Variants in RGS9 observed in about 807,000 individuals in gnomAD.
The protein encoded by RGS9 is regulator of G-protein signalling 9.
In RGS9, 78 loss-of-function variants were observed where a neutral mutation model predicts 102.0. That is an observed-to-expected ratio of 0.76 (90% CI 0.64 to 0.92). The LOEUF is 0.92. Among genes scored for constraint, RGS9 ranks in the 40% least tolerant of loss-of-function variants. The probability of loss-of-function intolerance (pLI) is 0.00; values close to 1 mark genes in which losing one functional copy is unlikely to be tolerated. For synonymous variants in RGS9, 353 were observed against 318.6 expected, an observed-to-expected ratio of 1.11 and a Z score of -1.15; for missense variants, 833 against 866.1, an observed-to-expected ratio of 0.96 and a Z score of 0.48.
intron 16 of RGS9, among the ~76,000 whole-genome samples, chr17:65,208,563 G>A (rs1913160577): frequency 6.6e-6 from 1 of 152,084 alleles, no homozygotes. Context: ...AGAGCCATTG[G>A]GACAATGGAC....
At chr17:65,217,607 T>G (rs1448528157) in intron 17 of RGS9, among the ~76,000 whole-genome samples, 1 of 151,378 alleles carries the variant, frequency 6.6e-6, no homozygotes, top group East Asian at 1.9e-4. Context: ...TCAAGTAGTT[T>G]GGGAGGAAGG....
intron 15 of RGS9, among the ~76,000 whole-genome samples, chr17:65,205,946 T>C (rs1024545229): frequency 3.3e-5 from 5 of 152,118 alleles, no homozygotes; most frequent in Admixed American, 2.6e-4. Context: ...GTGATATAGG[T>C]TATATGATAT....
At chr17:65,202,155 A>G (rs1377336327) in intron 14 of RGS9, 75 bp downstream of exon 14, 3 of 1,007,784 alleles carry the variant, frequency 3.0e-6, no homozygotes, top group Non-Finnish European at 4.7e-6. Context: ...TGAGGTGAAG[A>G]TAGGATGAGA....
intron 1 of RGS9, among the ~76,000 whole-genome samples, chr17:65,149,066 A>G (rs1910478558): frequency 6.6e-6 from 1 of 150,788 alleles, no homozygotes; most frequent in Non-Finnish European, 1.5e-5. Flanking sequence ...GGTTCAAGCG[A>G]TTTTCCTGCC....
At chr17:65,207,494 C>T (rs1365154509) in intron 15 of RGS9, among the ~76,000 whole-genome samples, 1 of 152,210 alleles carries the variant, frequency 6.6e-6, no homozygotes, top group Admixed American at 6.5e-5. Context: ...ATGTAGCATG[C>T]AGCATATGAG....
At chr17:65,138,614 C>G (rs1434947575) in intron 1 of RGS9, among the ~76,000 whole-genome samples, 4 of 151,994 alleles carry the variant, frequency 2.6e-5, no homozygotes, top group Non-Finnish European at 5.9e-5. Flanking sequence ...ATCTGTAAAG[C>G]AGACAGGCTG....
intron 18 of RGS9, among the ~76,000 whole-genome samples, chr17:65,226,061 G>GC (rs1905660087): frequency 6.6e-6 from 1 of 152,188 alleles, no homozygotes; most frequent in South Asian, 2.1e-4. Flanking sequence ...CTGAGGGGGG[G>GC]CCCCTCTAAA....
At chr17:65,162,422 G>C (rs1023423543) in intron 6 of RGS9, among the ~76,000 whole-genome samples, 1 of 152,008 alleles carries the variant, frequency 6.6e-6, no homozygotes, top group African/African-American at 2.4e-5. Flanking sequence ...AATCTCTGAT[G>C]CTCTCTTCCT....
intron 17 of RGS9, among the ~76,000 whole-genome samples, chr17:65,216,267 AT>A (rs1158625132): frequency 1.3e-5 from 2 of 152,046 alleles, no homozygotes; most frequent in African/African-American, 2.4e-5. Flanking sequence ...TGAATGTTAC[AT>A]TTTTTTTAAG....
intron 1 of RGS9, among the ~76,000 whole-genome samples, chr17:65,142,506 A>G (rs1262605154): frequency 1.3e-5 from 2 of 151,026 alleles, no homozygotes; most frequent in Admixed American, 6.6e-5. Flanking sequence ...TGAGTTTCTG[A>G]TTTACTTGGC....
At chr17:65,178,863 C>G (rs144994738) in intron 9 of RGS9, among the ~76,000 whole-genome samples, 142 of 152,256 alleles carry the variant, frequency 9.3e-4, no homozygotes, top group African/African-American at 3.3e-3. Flanking sequence ...CAGCAGCATC[C>G]CCAGCTCTGC....
intron 8 of RGS9, among the ~76,000 whole-genome samples, chr17:65,174,090 A>C (rs1292355321): frequency 1.3e-5 from 2 of 152,330 alleles, no homozygotes; most frequent in South Asian, 2.1e-4. Context: ...TGGCAGAATC[A>C]TGAAGCCCAG....
At chr17:65,163,205 T>A in intron 7 of RGS9, 116 bp downstream of exon 7, 1 of 467,210 alleles carries the variant, frequency 2.1e-6, no homozygotes, top group Non-Finnish European at 3.6e-6. Flanking sequence ...GACAGAGTCT[T>A]GCTCTGTCGC....
intron 17 of RGS9, among the ~76,000 whole-genome samples, chr17:65,215,478 A>ATCTTTCTT (rs1256405645): frequency 1.3e-3 from 155 of 114,922 alleles, no homozygotes; most frequent in Non-Finnish European, 1.6e-3. Flanking sequence ...TTCTTTCTCT[A>ATCTTTCTT]TCTTTCTTTC....
chr17:65,220,288 G>T (rs781173107), intron 17 of RGS9, among the ~76,000 whole-genome samples: 50 of 152,310 alleles, frequency 3.3e-4, no homozygotes, highest in Admixed American at 2.0e-3. Flanking sequence ...TTGCAGTGCG[G>T]TCCTCCAGCT....
At chr17:65,141,058 C>T (rs769228166) in intron 1 of RGS9, among the ~76,000 whole-genome samples, 36 of 152,184 alleles carry the variant, frequency 2.4e-4, no homozygotes, top group Non-Finnish European at 4.4e-5. Context: ...GGACCGTGTG[C>T]GATTCCCGAG....
chr17:65,214,803 A>G (rs1913425675), intron 17 of RGS9, among the ~76,000 whole-genome samples: 1 of 152,114 alleles, frequency 6.6e-6, no homozygotes, highest in Non-Finnish European at 1.5e-5. Flanking sequence ...CAAAGCTGGG[A>G]GGGTGCTAGG....
chr17:65,226,605 G>C (rs1451854635), intron 18 of RGS9, among the ~76,000 whole-genome samples: 3 of 149,268 alleles, frequency 2.0e-5, no homozygotes, highest in Non-Finnish European at 4.4e-5. Flanking sequence ...GCAGTTTTTT[G>C]TTTGTCTGGG....
chr17:65,227,146 C>T, intron 18 of RGS9, 129 bp from the exon 19 acceptor site: 1 of 1,240,622 alleles, frequency 8.1e-7, no homozygotes, highest in Non-Finnish European at 1.2e-6. Context: ...TGAGCTATAC[C>T]TGCCCCCACC....
Sources: gnomAD v4.1 joint callset for allele counts (sites outside exome capture counted in the v4.1 genomes callset) on GRCh38, gnomAD v4.1.1 for gene constraint, MANE v1.5 for transcripts, NCBI Gene and HGNC (gene_info 2026-07-23, HGNC 2026-07-21) for gene names.